The following GATAD2A variants were observed in gnomAD, a reference collection of about 807,000 sequenced individuals.
GATAD2A encodes the protein transcriptional repressor p66-alpha.
In GATAD2A, 12 loss-of-function variants were observed where a neutral mutation model predicts 68.5. The ratio of observed to expected loss-of-function variants is 0.18; its 90% CI spans 0.11 to 0.28. The LOEUF (loss-of-function observed/expected upper bound fraction) is 0.28, where lower values mean the gene tolerates loss of function less well. GATAD2A is among the 10% of genes least tolerant of loss of function. The pLI, the probability that GATAD2A is intolerant of heterozygous loss-of-function variation, is 1.00. For missense variants in GATAD2A, 755 were observed against 868.5 expected, an observed-to-expected ratio of 0.87 and a Z score of 1.64; for synonymous variants, 410 against 375.3, an observed-to-expected ratio of 1.09 and a Z score of -1.07.
intron 2 of GATAD2A, among the ~76,000 whole-genome samples, chr19:19,476,801 G>T (rs1009054909): frequency 3.3e-5 from 5 of 152,222 alleles, no homozygotes; most frequent in Admixed American, 6.5e-5. Context: ...TCACACCCAG[G>T]GGGGCAGTGT....
At chr19:19,437,612 T>G (rs926287129) in intron 1 of GATAD2A, among the ~76,000 whole-genome samples, 1 of 152,214 alleles carries the variant, frequency 6.6e-6, no homozygotes, top group African/African-American at 2.4e-5. Flanking sequence ...CCCTTTCTAC[T>G]GATGACCTCT....
At chr19:19,474,953 A>T (rs1421404072) in intron 2 of GATAD2A, among the ~76,000 whole-genome samples, 1 of 152,228 alleles carries the variant, frequency 6.6e-6, no homozygotes, top group Non-Finnish European at 1.5e-5. Flanking sequence ...TCTTTGATGG[A>T]AGCACGAGGC....
intron 1 of GATAD2A, among the ~76,000 whole-genome samples, chr19:19,421,485 T>C (rs10426633): frequency 0.076 from 11,555 of 152,166 alleles, 1,501 homozygotes; most frequent in African/African-American, 0.26. Flanking sequence ...GTGGTTGACT[T>C]GGGACCCTGA....
intron 1 of GATAD2A, among the ~76,000 whole-genome samples, chr19:19,437,610 A>G (rs2054517254): frequency 6.6e-6 from 1 of 152,010 alleles, no homozygotes; most frequent in African/African-American, 2.4e-5. Flanking sequence ...TCCCCTTTCT[A>G]CTGATGACCT....
At chr19:19,473,863 G>A (rs1033059672) in intron 2 of GATAD2A, among the ~76,000 whole-genome samples, 4 of 151,932 alleles carry the variant, frequency 2.6e-5, no homozygotes, top group Admixed American at 6.6e-5. Context: ...GGAGAATGGC[G>A]TGAACTCGGG....
At position 19,431,422 on chromosome 19, in the gene GATAD2A, G is replaced by A. The variant is rs184004723; in HGVS notation, c.-7+25403G>A. On this transcript the variant is annotated intron_variant, in intron 1 of 11. Coordinates refer to ENST00000683918, the MANE Select transcript of GATAD2A (RefSeq NM_001384528.1). Reference sequence around the variant, plus strand: ...ATAAATATTTATTAAGCGGCTGGGCGCGGTGGCTCACACCTGTAATCCCAG... The same window carrying A: ...ATAAATATTTATTAAGCGGCTGGGCACGGTGGCTCACACCTGTAATCCCAG... Among the ~76,000 whole-genome samples the A allele has an allele frequency of 3.6e-3, 546 of 151,434 alleles. 4 individuals carry two copies. The highest frequency in any genetic ancestry group is 0.013 in the African/African-American group (524 of 41,284).
chr19:19,469,273 T>TA (rs1208589911), intron 2 of GATAD2A, among the ~76,000 whole-genome samples: 1 of 151,314 alleles, frequency 6.6e-6, no homozygotes, highest in Non-Finnish European at 1.5e-5. Flanking sequence ...CTACTAAAAA[T>TA]ACAAAAAAAT....
intron 1 of GATAD2A, among the ~76,000 whole-genome samples, chr19:19,412,161 T>TA (rs2051028628): frequency 6.7e-6 from 1 of 150,128 alleles, no homozygotes; most frequent in African/African-American, 2.5e-5. Context: ...ATTTTTTTTT[T>TA]AATTTTTTTG....
intron 1 of GATAD2A, among the ~76,000 whole-genome samples, chr19:19,429,486 T>G (rs1486620133): frequency 2.6e-5 from 4 of 152,044 alleles, no homozygotes; most frequent in African/African-American, 9.6e-5. Flanking sequence ...GGCCGGGCCT[T>G]GAAGGCCGTG....
At chr19:19,419,852 G>T (rs113233612) in intron 1 of GATAD2A, among the ~76,000 whole-genome samples, 201 of 152,080 alleles carry the variant, frequency 1.3e-3, no homozygotes, top group African/African-American at 4.6e-3. Flanking sequence ...TTTTCCCAGA[G>T]CCTTGGGAAG....
rs1354614009 is a variant in GATAD2A, at chr19:19,505,366, C to A, written c.1797C>A (p.Ser599Arg). ...LSTGGTLAFV[S>R]PSLAVHKSSS... is the part of the protein sequence containing the mutation. ...CAGGCGGGACCCTTGCGTTTGTCAG[C>A]CCAAGCCTGGCGGTGCACAAGAGCT... The change falls in exon 12 of 12, where the codon AGC becomes AGA. Residue 599 changes from serine to arginine, a missense_variant. Physicochemically the swap from Ser to Arg is moderately radical, Grantham distance 110 (BLOSUM62 -1). Transcript: ENST00000683918. 6.2e-7 allele frequency: 1 copy of A among 1,613,300 alleles called. No individual in the cohort carries two copies. The highest frequency in any genetic ancestry group is 2.2e-5 in the East Asian group (1 of 44,836).
chr19:19,464,465 C>G (rs2057714246), intron 1 of GATAD2A, among the ~76,000 whole-genome samples: 1 of 152,200 alleles, frequency 6.6e-6, no homozygotes. Flanking sequence ...CCAGCCGCCT[C>G]CCTGCAGACA....
At chr19:19,441,981 C>G (rs1269225552) in intron 1 of GATAD2A, among the ~76,000 whole-genome samples, 1 of 152,192 alleles carries the variant, frequency 6.6e-6, no homozygotes, top group Non-Finnish European at 1.5e-5. Context: ...TCTGCCTCAG[C>G]CTCCTGAGTG....
intron 1 of GATAD2A, among the ~76,000 whole-genome samples, chr19:19,446,655 G>A (rs1163878769): frequency 1.3e-5 from 2 of 152,002 alleles, no homozygotes; most frequent in Non-Finnish European, 2.9e-5. Flanking sequence ...TATGGATTTA[G>A]CTCCTAATAC....
intron 5 of GATAD2A, 92 bp from the exon 6 acceptor site, chr19:19,495,662 T>A: frequency 1.8e-6 from 2 of 1,086,094 alleles, no homozygotes; most frequent in Non-Finnish European, 2.6e-6. Context: ...AAAACTAGTA[T>A]GTACTTTCAT....
Position 19,502,277 on chromosome 19 carries a change from G to A in GATAD2A, c.1579-54G>A, listed in dbSNP as rs560532147. 33 of 1,363,112 alleles carry A rather than the reference G, an allele frequency of 2.4e-5. No homozygotes were observed. The South Asian group carries it at 3.0e-4, about 12-fold the overall frequency. The allele number at this position is 1,363,112 out of a possible 1,614,324, so 84.4% of individuals were successfully genotyped here. A position where few individuals can be genotyped will look rare whatever the true frequency, so the allele number is the denominator to read the frequency against. ...AAGGAGAGGCTGCGCTGAGTGTCTC[G>A]CCTGCTGCTGTCTTTTCCCTGCATG... On this transcript the variant is annotated intron_variant, in intron 10 of 11. Coordinates refer to ENST00000683918, the MANE Select transcript of GATAD2A (RefSeq NM_001384528.1).
intron 1 of GATAD2A, among the ~76,000 whole-genome samples, chr19:19,422,851 A>T (rs559728435): frequency 6.6e-6 from 1 of 151,670 alleles, no homozygotes; most frequent in East Asian, 2.0e-4. Context: ...AGCTGGGACT[A>T]CAGGCGCCCA....
At chr19:19,446,759 A>G (rs960438483) in intron 1 of GATAD2A, among the ~76,000 whole-genome samples, 9 of 152,144 alleles carry the variant, frequency 5.9e-5, no homozygotes, top group African/African-American at 2.2e-4. Context: ...CAGTCTCACT[A>G]TGTTGCCCAG....
intron 1 of GATAD2A, among the ~76,000 whole-genome samples, chr19:19,443,009 G>A (rs984580045): frequency 3.9e-5 from 6 of 152,150 alleles, no homozygotes; most frequent in African/African-American, 9.7e-5. Flanking sequence ...TGCCTAGGGT[G>A]ACAGGGATGC....
Sources: gnomAD v4.1 joint callset for allele counts (sites outside exome capture counted in the v4.1 genomes callset) on GRCh38, gnomAD v4.1.1 for gene constraint, MANE v1.5 for transcripts, NCBI Gene and HGNC (gene_info 2026-07-23, HGNC 2026-07-21) for gene names.